The following TRPV3 variants were observed in gnomAD, a reference collection of about 807,000 sequenced individuals.
The protein encoded by TRPV3 is VRL-3.
In TRPV3, 88 loss-of-function variants were observed where a neutral mutation model predicts 87.1. The observed-to-expected ratio is 1.01, with a 90% confidence interval of 0.85 to 1.21. The LOEUF (loss-of-function observed/expected upper bound fraction) is 1.21. Among genes scored for constraint, TRPV3 ranks in the 50% most tolerant of loss-of-function variants. TRPV3 has a pLI of 0.00. For synonymous variants in TRPV3, 438 were observed against 423.3 expected, an observed-to-expected ratio of 1.03 and a Z score of -0.43; for missense variants, 1,054 against 1,030.1, an observed-to-expected ratio of 1.02 and a Z score of -0.32.
intron 9 of TRPV3, among the ~76,000 whole-genome samples, chr17:3,529,752 C>T (rs2074331589): frequency 6.6e-6 from 1 of 152,064 alleles, no homozygotes; most frequent in Non-Finnish European, 1.5e-5. Context: ...CCCAAACAGC[C>T]CTGGATACTC....
chr17:3,531,079 C>A (rs1309661986), intron 8 of TRPV3, among the ~76,000 whole-genome samples: 157 of 143,120 alleles, frequency 1.1e-3, no homozygotes, highest in Admixed American at 2.2e-3. Context: ...ACAAAACAAA[C>A]AAACAAAAAA....
At chr17:3,519,176 T>C (rs2074210109) in intron 14 of TRPV3, among the ~76,000 whole-genome samples, 1 of 152,260 alleles carries the variant, frequency 6.6e-6, no homozygotes, top group Non-Finnish European at 1.5e-5. Flanking sequence ...TTTGAGCTCC[T>C]GACTTCCTCT....
intron 4 of TRPV3, 27 bp from the exon 5 acceptor site, chr17:3,543,655 AAC>A (rs1457493136): frequency 1.2e-6 from 2 of 1,612,610 alleles, no homozygotes; most frequent in South Asian, 1.1e-5. Context: ...TTTCCAACTC[AAC>A]ACACACATCC....
rs4790510 is a variant in TRPV3 at position 3,530,249 on chromosome 17, A to G, written c.1066-46T>C. On this transcript the variant is annotated intron_variant, in intron 8 of 17. Transcript: ENST00000576742. The surrounding 1 kb of genome is among the most constrained non-coding windows in gnomAD (Gnocchi z 4.0). Reference sequence around the variant, plus strand: ...ACCATCAGCTGCAGAACAGGGGCTTAAGGCCAACAGGGCTGGACCAGCCAG... The same window carrying G: ...ACCATCAGCTGCAGAACAGGGGCTTGAGGCCAACAGGGCTGGACCAGCCAG... 0.18 allele frequency: 279,351 copies of G among 1,572,466 alleles called. 34,925 individuals carry two copies. The highest frequency in any genetic ancestry group is 0.53 in the East Asian group (23,351 of 44,252).
At chr17:3,535,364 T>A (rs1183861798) in intron 7 of TRPV3, among the ~76,000 whole-genome samples, 1 of 99,488 alleles carries the variant, frequency 1.0e-5, no homozygotes, top group Non-Finnish European at 2.1e-5. Context: ...TCCTCCCTCA[T>A]CCTTCCTGCT....
Position 3,510,762 on chromosome 17 carries a change from C to G in TRPV3, c.*3155G>C, listed in dbSNP as rs150072559. 1 of 152,210 alleles carries G rather than the reference C, an allele frequency of 6.6e-6. No homozygotes were observed. The highest frequency in any genetic ancestry group is 6.5e-5 in the Admixed American group (1 of 15,286). 9.4% of individuals were successfully genotyped at this position (152,210 alleles called of 1,614,324 possible). ...AGAAATCAAGTACGGCTTACAGGCCCGGATGACGGCCCATCTACCTGGGCC... is the reference window on the plus strand; with the variant it reads ...AGAAATCAAGTACGGCTTACAGGCCGGGATGACGGCCCATCTACCTGGGCC... On this transcript the variant is annotated 3_prime_UTR_variant, in exon 18 of 18. Coordinates refer to ENST00000576742, the MANE Select transcript of TRPV3 (RefSeq NM_145068.4).
At chr17:3,519,837 A>G (rs10451234) in intron 14 of TRPV3, among the ~76,000 whole-genome samples, 5 of 83,414 alleles carry the variant, frequency 6.0e-5, no homozygotes, top group East Asian at 5.1e-4. Flanking sequence ...TAAATGGATG[A>G]ATGGATGGAT....
intron 13 of TRPV3, among the ~76,000 whole-genome samples, chr17:3,521,989 T>C (rs970906267): frequency 3.5e-4 from 53 of 152,078 alleles, no homozygotes; most frequent in African/African-American, 1.2e-3. Context: ...GGCGGGAGAA[T>C]TGCTTGAACC....
chr17:3,530,043 T>C lies in TRPV3; in HGVS notation c.1226A>G (p.Tyr409Cys). 4 of 1,613,612 alleles carry C rather than the reference T, an allele frequency of 2.5e-6. No individual in the cohort carries two copies. The highest frequency in any genetic ancestry group is 1.1e-5 in the South Asian group (1 of 90,900). The change falls in exon 9 of 18, where the codon TAC (tyrosine) becomes TGC (cysteine). Residue 409 changes from tyrosine (Y) to cysteine (C), a missense_variant. By Grantham distance (194) the Tyr-to-Cys change is radical. Transcript: ENST00000576742. This position sits in a 1 kb window ranked among gnomAD's most constrained non-coding sequence, Gnocchi z 4.0. ...TDNSVLEITVYNTNIDNRHEM... is the reference protein window; with the variant it reads ...TDNSVLEITVCNTNIDNRHEM... ...GAGACCCACGTCGATGTTGGTGTTG[T>C]AGACAGTGATTTCCAGCACTGAGTT...
Position 3,528,219 on chromosome 17 carries a change from C to G in TRPV3, c.1402-93G>C, listed in dbSNP as rs1193978570. The G allele has an allele frequency of 2.2e-6, 2 of 895,124 alleles. No individual in the cohort carries two copies. Among genetic ancestry groups the G allele is most frequent in the South Asian group, 3.4e-5 (2 of 58,814 alleles). 55.4% of individuals were successfully genotyped at this position (895,124 alleles called of 1,614,324 possible). ...GGGACCAAAACCCAGGTGAAACACT[C>G]AAGCCGGGCCAGAGACCAGCATGAA... On this transcript the variant is annotated intron_variant, in intron 10 of 17. Transcript: ENST00000576742. The surrounding 1 kb of genome is among the most constrained non-coding windows in gnomAD (Gnocchi z 4.2).
At chr17:3,538,437 CA>C (rs1157337439) in intron 6 of TRPV3, among the ~76,000 whole-genome samples, 1,293 of 74,424 alleles carry the variant, frequency 0.017, 10 homozygotes, top group African/African-American at 0.034. Flanking sequence ...TGGAAAAGAA[CA>C]AAAAAAAAAA....
At chr17:3,544,499 C>G in intron 4 of TRPV3, 80 bp downstream of exon 4, 1 of 864,408 alleles carries the variant, frequency 1.2e-6, no homozygotes, top group East Asian at 2.7e-5. Context: ...TTTCTCCTTC[C>G]TGCAGGGCCC....
At chr17:3,524,127 G>A in intron 13 of TRPV3, 71 bp downstream of exon 13, 1 of 1,573,112 alleles carries the variant, frequency 6.4e-7, no homozygotes, top group Non-Finnish European at 8.7e-7. Context: ...TTCCTCTCCA[G>A]ATCTCAGTTT....
chr17:3,533,106 G>A (rs1042937519), intron 7 of TRPV3, among the ~76,000 whole-genome samples, 169 bp from the exon 8 acceptor site: 4 of 152,092 alleles, frequency 2.6e-5, no homozygotes, highest in African/African-American at 4.8e-5. Flanking sequence ...AGATCACTGC[G>A]GTAGCCTCCT....
chr17:3,527,759 G>T lies in TRPV3; in HGVS notation c.1503+266C>A. On this transcript the variant is annotated intron_variant, in intron 11 of 17. Transcript: ENST00000576742. ...CAGGTGATCGGATGGGTGGATGGGG[G>T]TGGAAGAGGACAAGGGACACTGAGT... The T allele has an allele frequency of 6.1e-6, 3 of 495,292 alleles. No homozygotes were observed. The South Asian group carries it at 6.3e-5, about 10-fold the overall frequency. The allele number at this position is 495,292 out of a possible 1,614,324, so 30.7% of individuals were successfully genotyped here. A position where few individuals can be genotyped will look rare whatever the true frequency, so the allele number is the denominator to read the frequency against.
intron 6 of TRPV3, among the ~76,000 whole-genome samples, chr17:3,540,661 G>A (rs913361782): frequency 1.3e-5 from 2 of 152,216 alleles, no homozygotes; most frequent in Admixed American, 1.3e-4. Context: ...CATGTTGCTA[G>A]CAAAGGGTAG....
rs778092838 is a variant in TRPV3, at chr17:3,529,001, G to A, written c.1243-6C>T. On this transcript the variant is annotated splice_polypyrimidine_tract_variant and splice_region_variant and intron_variant, in intron 9 of 17. Coordinates refer to ENST00000576742, the MANE Select transcript of TRPV3 (RefSeq NM_145068.4). ...GTCAGCATCTCATGCCGGTTCTAGG[G>A]GTAGAATGCCACCAGTCACCATGGA... The A allele has an allele frequency of 1.9e-6, 3 of 1,613,996 alleles. No homozygotes were observed. Among genetic ancestry groups the A allele is most frequent in the African/African-American group, 1.3e-5 (1 of 74,916 alleles).
In TRPV3 at chr17:3,525,072, T is replaced by C. The variant is rs537770222; in HGVS notation, c.1578-709A>G. Among the ~76,000 whole-genome samples the C allele has an allele frequency of 1.2e-3, 178 of 152,220 alleles. No homozygotes were observed. In the Middle Eastern group the frequency reaches 0.027, roughly 23 times the overall value. ...TCTTGCTCTGTCACCTAGGCTGGAG[T>C]ACAGTGGCATGAACTCTGCTCACTG... On this transcript the variant is annotated intron_variant, in intron 12 of 17. Transcript: ENST00000576742.
At chr17:3,524,387 C>G (rs561504089) in intron 12 of TRPV3, 24 bp from the exon 13 acceptor site, 3 of 1,612,414 alleles carry the variant, frequency 1.9e-6, no homozygotes, top group Non-Finnish European at 2.5e-6. Flanking sequence ...ACAGGAGACA[C>G]GGGCCTTACT....
Sources: gnomAD v4.1 joint callset for allele counts (sites outside exome capture counted in the v4.1 genomes callset) on GRCh38, gnomAD v4.1.1 for gene constraint, Gnocchi (gnomAD v3.1) non-coding constraint, MANE v1.5 for transcripts, NCBI Gene and HGNC (gene_info 2026-07-23, HGNC 2026-07-21) for gene names.